Variants in SCFD2 observed in about 807,000 individuals in gnomAD.
The protein encoded by SCFD2 is sec1 family domain containing 2.
Under a neutral mutation model 58.9 loss-of-function variants are expected in SCFD2, and 54 were observed. The observed-to-expected ratio is 0.92, with a 90% confidence interval of 0.74 to 1.15. SCFD2 has a LOEUF of 1.15. Among genes scored for constraint, SCFD2 ranks in the 50% most tolerant of loss-of-function variants. SCFD2 has a pLI of 0.00. For missense variants in SCFD2, 805 were observed against 836.6 expected (o/e 0.96, Z 0.47); for synonymous variants, 321 against 335.9 (o/e 0.96, Z 0.49).
chr4:53,239,742 C>T (rs772884524), intron 4 of SCFD2, among the ~76,000 whole-genome samples: 1 of 152,160 alleles, frequency 6.6e-6, no homozygotes, highest in African/African-American at 2.4e-5. Flanking sequence ...TCCCAAAGTG[C>T]TGGGATTACA....
At position 53,089,094 on chromosome 4, in the gene SCFD2, G is replaced by A. The variant is rs191008309; in HGVS notation, c.1561+56239C>T. ...CAGACACCAAATCTGCTGGCACTTT[G>A]ATATAGGAATTCCCAGTCTCCAGAA... On this transcript the variant is annotated intron_variant, in intron 5 of 8. Coordinates refer to ENST00000401642, the MANE Select transcript of SCFD2 (RefSeq NM_152540.4). 9.2e-5 allele frequency among the ~76,000 whole-genome samples: 14 copies of A among 152,234 alleles called. No homozygotes were observed. The East Asian group carries it at 2.7e-3, about 29-fold the overall frequency.
chr4:53,338,332 C>A (rs900777040), intron 2 of SCFD2, among the ~76,000 whole-genome samples: 1 of 152,044 alleles, frequency 6.6e-6, no homozygotes, highest in Non-Finnish European at 1.5e-5. Context: ...TAGCTGAAAA[C>A]TTCTCACATT....
intron 5 of SCFD2, among the ~76,000 whole-genome samples, chr4:52,942,078 T>C (rs932512266): frequency 6.6e-6 from 1 of 152,148 alleles, no homozygotes; most frequent in African/African-American, 2.4e-5. Context: ...GCCAAGAGTT[T>C]GATGAAAATG....
At chr4:53,239,661 T>C (rs897044302) in intron 4 of SCFD2, among the ~76,000 whole-genome samples, 45 of 152,204 alleles carry the variant, frequency 3.0e-4, no homozygotes, top group African/African-American at 1.0e-3. Flanking sequence ...ATTTTGTATT[T>C]TTTAGTAGAG....
At chr4:53,352,975 G>A (rs976911518) in intron 1 of SCFD2, among the ~76,000 whole-genome samples, 2 of 152,160 alleles carry the variant, frequency 1.3e-5, no homozygotes, top group African/African-American at 4.8e-5. Flanking sequence ...GGCTCCATGA[G>A]GGCAGAACTC....
At position 52,971,909 on chromosome 4, in the gene SCFD2, C is replaced by A. The variant is rs1318363981; in HGVS notation, c.1562-51039G>T. Reference sequence around the variant, plus strand: ...TTTCAACCCAGAATTTCATATCCAGCCAAACTAAGCTTCATAAGTGAAGGA... The same window carrying A: ...TTTCAACCCAGAATTTCATATCCAGACAAACTAAGCTTCATAAGTGAAGGA... On this transcript the variant is annotated intron_variant, in intron 5 of 8. Transcript: ENST00000401642. Among the ~76,000 whole-genome samples, 4 of 152,080 alleles carry A rather than the reference C, an allele frequency of 2.6e-5. No individual in the cohort carries two copies. The East Asian group carries it at 7.7e-4, about 29-fold the overall frequency.
chr4:52,997,125 A>G (rs1401263039), intron 5 of SCFD2, among the ~76,000 whole-genome samples: 1 of 152,154 alleles, frequency 6.6e-6, no homozygotes, highest in African/African-American at 2.4e-5. Context: ...ATTCCCCCAG[A>G]CTGAGGGTAC....
intron 5 of SCFD2, among the ~76,000 whole-genome samples, chr4:53,064,333 A>G (rs557591673): frequency 3.3e-5 from 5 of 152,064 alleles, no homozygotes; most frequent in African/African-American, 1.2e-4. Flanking sequence ...CCACCAACAC[A>G]TACCATTTTG....
At chr4:53,331,174 T>C (rs906795820) in intron 2 of SCFD2, among the ~76,000 whole-genome samples, 3 of 151,282 alleles carry the variant, frequency 2.0e-5, no homozygotes, top group African/African-American at 7.3e-5. Flanking sequence ...ACTGTCAACA[T>C]TAGACAGATC....
At chr4:53,181,167 T>G (rs555356200) in intron 4 of SCFD2, among the ~76,000 whole-genome samples, 6 of 152,264 alleles carry the variant, frequency 3.9e-5, no homozygotes, top group East Asian at 3.9e-4. Flanking sequence ...GAGGCCAGCA[T>G]CATCCTGATA....
intron 4 of SCFD2, among the ~76,000 whole-genome samples, chr4:53,207,767 C>T (rs1466773878): frequency 2.1e-5 from 3 of 139,692 alleles, no homozygotes; most frequent in African/African-American, 8.0e-5. Flanking sequence ...GCACCTCCTC[C>T]TTCTCTCTTC....
At chr4:53,177,506 T>A (rs55744909) in intron 4 of SCFD2, among the ~76,000 whole-genome samples, 13,650 of 152,110 alleles carry the variant, frequency 0.09, 1,037 homozygotes, top group South Asian at 0.21. Flanking sequence ...TAAAAAACAA[T>A]AAGAAATGAA....
chr4:52,875,908 G>GT (rs1718462511), intron 8 of SCFD2, among the ~76,000 whole-genome samples: 1 of 142,074 alleles, frequency 7.0e-6, no homozygotes. Flanking sequence ...ACTGAAATCT[G>GT]TGTTTCACGA....
At chr4:52,921,788 G>A (rs1389758265) in intron 5 of SCFD2, among the ~76,000 whole-genome samples, 1 of 151,984 alleles carries the variant, frequency 6.6e-6, no homozygotes, top group East Asian at 1.9e-4. Context: ...CAGGCAGTTA[G>A]TCTGTCTGTC....
intron 6 of SCFD2, among the ~76,000 whole-genome samples, chr4:52,913,809 G>T (rs2109477928): frequency 6.6e-6 from 1 of 152,248 alleles, no homozygotes; most frequent in South Asian, 2.1e-4. Context: ...GAGTATGAAG[G>T]ATTTCCAGAG....
chr4:53,065,731 T>C (rs1723646263), intron 5 of SCFD2, among the ~76,000 whole-genome samples: 2 of 152,092 alleles, frequency 1.3e-5, no homozygotes, highest in African/African-American at 2.4e-5. Context: ...AAATAAGAGT[T>C]TGGCTTTTTT....
chr4:53,338,569 A>ATTTTTTTTTT (rs1454636023), intron 2 of SCFD2, among the ~76,000 whole-genome samples: 10 of 58,348 alleles, frequency 1.7e-4, no homozygotes, highest in East Asian at 5.3e-4. Flanking sequence ...AAAGCAGTAT[A>ATTTTTTTTTT]TTTTTCTTTT....
intron 4 of SCFD2, among the ~76,000 whole-genome samples, chr4:53,169,826 T>C (rs1165517201): frequency 2.0e-5 from 3 of 152,232 alleles, no homozygotes; most frequent in African/African-American, 7.2e-5. Context: ...TGGTCATTTG[T>C]ATATCTTCTT....
chr4:52,970,902 A>T (rs1207427330), intron 5 of SCFD2, among the ~76,000 whole-genome samples: 1 of 152,196 alleles, frequency 6.6e-6, no homozygotes, highest in African/African-American at 2.4e-5. Context: ...TACCAAGGCA[A>T]ACAGGGTCTA....
Sources: allele counts gnomAD v4.1 joint callset (sites outside exome capture counted in the v4.1 genomes callset), GRCh38; gene constraint gnomAD v4.1.1; transcripts MANE v1.5; gene names NCBI Gene and HGNC (gene_info 2026-07-23, HGNC 2026-07-21).